Variants in BACH2 observed in about 807,000 individuals in gnomAD.
BACH2 encodes transcription regulator protein BACH2.
BACH2 carries 5 observed loss-of-function variants against 61.8 expected under a neutral mutation model. The observed-to-expected ratio is 0.08, with a 90% CI of 0.04 to 0.17. The LOEUF is 0.17. Among genes scored for constraint, BACH2 ranks in the 10% least tolerant of loss-of-function variants. BACH2 has a pLI of 1.00. For missense variants in BACH2, 824 were observed against 1,091.1 expected (o/e 0.76, Z 3.45); for synonymous variants, 446 against 440.1 (o/e 1.01, Z -0.17).
intron 5 of BACH2, among the ~76,000 whole-genome samples, chr6:90,028,078 G>A (rs1043966056): frequency 1.3e-5 from 2 of 152,174 alleles, no homozygotes; most frequent in African/African-American, 4.8e-5. Flanking sequence ...TCTGGTACTT[G>A]CTGGCAACTT....
intron 4 of BACH2, among the ~76,000 whole-genome samples, chr6:90,198,536 G>A (rs757830216): frequency 1.3e-5 from 2 of 152,112 alleles, no homozygotes; most frequent in Non-Finnish European, 1.5e-5. Flanking sequence ...TTTCTATTCC[G>A]AAGACTTAAT....
At chr6:90,228,746 C>T (rs1769997628) in intron 3 of BACH2, among the ~76,000 whole-genome samples, 1 of 152,142 alleles carries the variant, frequency 6.6e-6, no homozygotes, top group Non-Finnish European at 1.5e-5. Context: ...CAAGAAAAAA[C>T]AGTTTTAAAA....
intron 5 of BACH2, among the ~76,000 whole-genome samples, chr6:90,075,239 C>G (rs1781420978): frequency 6.6e-6 from 1 of 152,144 alleles, no homozygotes; most frequent in Non-Finnish European, 1.5e-5. Context: ...GAGAGACCCT[C>G]ATTTCTCACA....
chr6:90,014,978 A>T (rs564670512), intron 5 of BACH2, among the ~76,000 whole-genome samples: 15 of 143,280 alleles, frequency 1.0e-4, no homozygotes, highest in African/African-American at 4.0e-4. Flanking sequence ...ATGGAGTCTT[A>T]CTATGATACC....
intron 5 of BACH2, among the ~76,000 whole-genome samples, chr6:90,086,002 A>G (rs2127806581): frequency 6.6e-6 from 1 of 152,188 alleles, no homozygotes; most frequent in South Asian, 2.1e-4. Flanking sequence ...CCATCCTCCC[A>G]TCCCCTGGCA....
chr6:90,221,443 G>C (rs1188489088), intron 3 of BACH2, among the ~76,000 whole-genome samples: 2 of 152,164 alleles, frequency 1.3e-5, no homozygotes, highest in Non-Finnish European at 2.9e-5. Flanking sequence ...AAAAATAGCA[G>C]TGTGTATAGC....
At chr6:90,092,292 A>AAAAAAAAAAAAATATATATC in intron 4 of BACH2, among the ~76,000 whole-genome samples, 1 of 98,914 alleles carries the variant, frequency 1.0e-5, no homozygotes, top group South Asian at 3.9e-4. Flanking sequence ...AAAAAAAAAA[A>AAAAAAAAAAAAATATATATC]TATATATATA....
intron 6 of BACH2, 195 bp from the exon 7 acceptor site, chr6:89,952,057 T>C (rs1774162012): frequency 1.6e-6 from 1 of 644,268 alleles, no homozygotes; most frequent in Admixed American, 3.0e-5. Flanking sequence ...CATGCCACTG[T>C]TGTACTCCAT....
At chr6:90,195,857 C>A (rs537617138) in intron 4 of BACH2, among the ~76,000 whole-genome samples, 1 of 152,176 alleles carries the variant, frequency 6.6e-6, no homozygotes, top group East Asian at 1.9e-4. Context: ...CCCCTTCCAG[C>A]TCCTCCACTA....
Position 90,008,859 on chromosome 6 carries a change from GAAAGAAAGAAAGAAAC to G in BACH2, c.-12-19_-12-4del. On this transcript the variant is annotated splice_polypyrimidine_tract_variant and splice_region_variant and intron_variant, in intron 5 of 8. Transcript: ENST00000257749. This position sits in a 1 kb window ranked among gnomAD's most constrained non-coding sequence, Gnocchi z 4.1. ...TCCACAGACATGCCGTTCACACCCT[GAAAGAAAGAAAGAAAC>G]AAAGAAAGAAAGAAAGAAAGGCTGA... 2.5e-6 allele frequency: 4 copies of G among 1,608,468 alleles called. No homozygotes were observed. The highest frequency in any genetic ancestry group is 2.2e-5 in the East Asian group (1 of 44,728).
intron 6 of BACH2, among the ~76,000 whole-genome samples, chr6:89,992,409 G>T (rs1397138754): frequency 4.6e-5 from 7 of 152,180 alleles, no homozygotes; most frequent in Non-Finnish European, 1.0e-4. Context: ...GGGAGGCCAA[G>T]GCGGGTGGAT....
chr6:90,099,428 G>C (rs1782521811), intron 4 of BACH2, among the ~76,000 whole-genome samples: 2 of 152,172 alleles, frequency 1.3e-5, no homozygotes, highest in South Asian at 4.1e-4. Context: ...ACCCAGGCTG[G>C]AGTACAGTGG....
intron 4 of BACH2, among the ~76,000 whole-genome samples, chr6:90,132,373 G>C (rs889104938): frequency 6.6e-6 from 1 of 152,102 alleles, no homozygotes; most frequent in Non-Finnish European, 1.5e-5. Context: ...GAACCAGCCT[G>C]GGTTACATAC....
intron 6 of BACH2, among the ~76,000 whole-genome samples, chr6:89,970,705 C>CA (rs1775308752): frequency 1.3e-5 from 2 of 152,280 alleles, no homozygotes; most frequent in African/African-American, 4.8e-5. Context: ...TCTGGCCCCC[C>CA]CCAGATCTTA....
At chr6:90,254,151 G>GA (rs1263731337) in intron 2 of BACH2, among the ~76,000 whole-genome samples, 1 of 150,300 alleles carries the variant, frequency 6.7e-6, no homozygotes, top group African/African-American at 2.5e-5. Context: ...AGACATACTA[G>GA]AAAAACATGA....
At chr6:90,216,707 G>A (rs765201192) in intron 3 of BACH2, among the ~76,000 whole-genome samples, 4 of 152,142 alleles carry the variant, frequency 2.6e-5, no homozygotes, top group Non-Finnish European at 4.4e-5. Context: ...GACGTAAAGC[G>A]TGAGCTTCTA....
Position 90,103,510 on chromosome 6 carries a change from T to C in BACH2, c.-161-14401A>G, listed in dbSNP as rs145817482. On this transcript the variant is annotated intron_variant, in intron 4 of 8. Coordinates refer to ENST00000257749, the MANE Select transcript of BACH2 (RefSeq NM_021813.4). ...ATCGGATTTGTGTGTAAATGAAGAA[T>C]ATTCCTGAAAAGAAACTCTGTTACG... Among the ~76,000 whole-genome samples, 14 of 152,336 alleles carry C rather than the reference T, an allele frequency of 9.2e-5. No homozygotes were observed. The East Asian group carries it at 2.7e-3, about 29-fold the overall frequency.
At chr6:90,122,911 C>T (rs560587335) in intron 4 of BACH2, among the ~76,000 whole-genome samples, 42 of 152,206 alleles carry the variant, frequency 2.8e-4, no homozygotes, top group African/African-American at 8.4e-4. Flanking sequence ...GACATAAAAC[C>T]GGAGAACTTA....
rs1295556416 is a variant in BACH2, at chr6:89,932,717, G to A, written c.2217C>T (p.Pro739=). The change falls in exon 9 of 9, where the codon CCC becomes CCT. Residue 739 remains proline, a synonymous_variant. Transcript: ENST00000257749. ...YCPVLRPMDL[P]TASSINPAPL... ...GCGCAGGGTTAATACTGGAGGCCGTGGGCAAGTCCATGGGTCTGAGGACAG... is the reference window on the plus strand; with the variant it reads ...GCGCAGGGTTAATACTGGAGGCCGTAGGCAAGTCCATGGGTCTGAGGACAG... 1.9e-6 allele frequency: 3 copies of A among 1,614,136 alleles called. No homozygotes were observed. In the Admixed American group the frequency reaches 5.0e-5, roughly 27 times the overall value.
Sources: gnomAD v4.1 joint callset for allele counts (sites outside exome capture counted in the v4.1 genomes callset) on GRCh38, gnomAD v4.1.1 for gene constraint, Gnocchi (gnomAD v3.1) non-coding constraint, MANE v1.5 for transcripts, NCBI Gene and HGNC (gene_info 2026-07-23, HGNC 2026-07-21) for gene names.